Variants in ARHGAP15 observed in about 807,000 individuals in gnomAD.
ARHGAP15 encodes the protein Rho GTPase activating protein 15, also known as rho GTPase-activating protein 15.
ARHGAP15 carries 51 observed loss-of-function variants against 63.7 expected under a neutral mutation model. The ratio of observed to expected loss-of-function variants is 0.80; its 90% CI spans 0.64 to 1.01. The LOEUF (loss-of-function observed/expected upper bound fraction) is 1.01, where lower values mean the gene tolerates loss of function less well. Among genes scored for constraint, ARHGAP15 ranks in the 50% least tolerant of loss-of-function variants. ARHGAP15 has a pLI of 0.00. For synonymous variants in ARHGAP15, 191 were observed against 193.8 expected (o/e 0.99, Z 0.12); for missense variants, 560 against 564.6 (o/e 0.99, Z 0.08).
intron 12 of ARHGAP15, among the ~76,000 whole-genome samples, chr2:143,651,952 G>C (rs1351251828): frequency 6.6e-6 from 1 of 151,832 alleles, no homozygotes; most frequent in African/African-American, 2.4e-5. Flanking sequence ...TTTGTCTTCT[G>C]GATACAGTGG....
Position 143,228,562 on chromosome 2 carries a change from T to C in ARHGAP15, c.297-19T>C, listed in dbSNP as rs1693311407. ...TCAACTGATAATGCTTTCTTTCCCTTTTATTTTTTTGTCCTAAGGAAAAAC... is the reference window on the plus strand; with the variant it reads ...TCAACTGATAATGCTTTCTTTCCCTCTTATTTTTTTGTCCTAAGGAAAAAC... On this transcript the variant is annotated intron_variant, in intron 4 of 13. Transcript: ENST00000295095. 1 of 1,554,276 alleles carries C rather than the reference T, an allele frequency of 6.4e-7. No individual in the cohort carries two copies. The highest frequency in any genetic ancestry group is 8.8e-7 in the Non-Finnish European group (1 of 1,132,694).
chr2:143,459,942 T>C (rs1489975172), intron 8 of ARHGAP15, among the ~76,000 whole-genome samples: 1 of 152,118 alleles, frequency 6.6e-6, no homozygotes, highest in Non-Finnish European at 1.5e-5. Flanking sequence ...TTGTTTGATA[T>C]GAAGTATTAA....
intron 13 of ARHGAP15, among the ~76,000 whole-genome samples, chr2:143,761,349 T>C (rs1165056511): frequency 4.6e-5 from 7 of 152,214 alleles, no homozygotes. Flanking sequence ...CCTTACTCCG[T>C]AAAACTATCC....
intron 6 of ARHGAP15, among the ~76,000 whole-genome samples, chr2:143,424,350 A>G (rs1301865628): frequency 6.6e-6 from 1 of 152,182 alleles, no homozygotes; most frequent in African/African-American, 2.4e-5. Flanking sequence ...AGAGTTACAC[A>G]TTAGGGATCT....
At chr2:143,169,923 A>G (rs1336408219) in intron 2 of ARHGAP15, among the ~76,000 whole-genome samples, 2 of 152,046 alleles carry the variant, frequency 1.3e-5, no homozygotes, top group African/African-American at 2.4e-5. Flanking sequence ...TCAAAGCCAG[A>G]TGTAAATTAT....
chr2:143,721,987 T>C (rs1409596880), intron 13 of ARHGAP15, among the ~76,000 whole-genome samples: 1 of 152,216 alleles, frequency 6.6e-6, no homozygotes, highest in Non-Finnish European at 1.5e-5. Context: ...ACTTATGTTA[T>C]GCAAACATGG....
At chr2:143,675,607 A>G (rs567561611) in intron 12 of ARHGAP15, among the ~76,000 whole-genome samples, 10 of 152,160 alleles carry the variant, frequency 6.6e-5, no homozygotes, top group African/African-American at 2.2e-4. Context: ...CTCCTTGTAC[A>G]CCTCCATTAG....
chr2:143,558,528 G>A (rs554489073), intron 11 of ARHGAP15, among the ~76,000 whole-genome samples: 1 of 152,216 alleles, frequency 6.6e-6, no homozygotes, highest in South Asian at 2.1e-4. Context: ...CTCGGTGATT[G>A]TATTTCAGAA....
At chr2:143,420,478 C>A (rs1006134498) in intron 6 of ARHGAP15, among the ~76,000 whole-genome samples, 1 of 152,182 alleles carries the variant, frequency 6.6e-6, no homozygotes, top group Non-Finnish European at 1.5e-5. Flanking sequence ...ATTACAAAAA[C>A]ACTCTACTCC....
At chr2:143,554,794 A>G (rs979788749) in intron 10 of ARHGAP15, among the ~76,000 whole-genome samples, 2 of 152,280 alleles carry the variant, frequency 1.3e-5, no homozygotes, top group African/African-American at 2.4e-5. Context: ...TCAAGCAGAA[A>G]TTGTACTTTA....
chr2:143,445,955 G>A (rs1690117892), intron 8 of ARHGAP15, among the ~76,000 whole-genome samples: 1 of 151,880 alleles, frequency 6.6e-6, no homozygotes, highest in Admixed American at 6.6e-5. Context: ...TAAAAATCCA[G>A]TTTAACACAA....
intron 6 of ARHGAP15, among the ~76,000 whole-genome samples, chr2:143,254,072 G>A (rs1055582324): frequency 6.6e-6 from 1 of 152,108 alleles, no homozygotes; most frequent in African/African-American, 2.4e-5. Flanking sequence ...GTCTTCATCA[G>A]GGATAGAGTG....
chr2:143,725,583 C>T (rs908934863), intron 13 of ARHGAP15, among the ~76,000 whole-genome samples: 1 of 152,210 alleles, frequency 6.6e-6, no homozygotes. Flanking sequence ...CTTATCACAA[C>T]CCCTCCTTCC....
At chr2:143,350,030 T>C (rs1439514430) in intron 6 of ARHGAP15, among the ~76,000 whole-genome samples, 1 of 152,138 alleles carries the variant, frequency 6.6e-6, no homozygotes, top group Non-Finnish European at 1.5e-5. Context: ...TTATAAAATA[T>C]CTCCTTGCAA....
intron 13 of ARHGAP15, among the ~76,000 whole-genome samples, chr2:143,728,468 G>T (rs931189714): frequency 6.6e-6 from 1 of 151,998 alleles, no homozygotes; most frequent in Non-Finnish European, 1.5e-5. Flanking sequence ...ACACACAAAG[G>T]GTATATTCAC....
intron 13 of ARHGAP15, among the ~76,000 whole-genome samples, chr2:143,721,758 C>T (rs1033452206): frequency 6.6e-6 from 1 of 151,784 alleles, no homozygotes; most frequent in East Asian, 1.9e-4. Flanking sequence ...GGGATCTTGG[C>T]TCACTGCAAG....
At chr2:143,184,271 G>C (rs1379579685) in intron 2 of ARHGAP15, among the ~76,000 whole-genome samples, 1 of 152,108 alleles carries the variant, frequency 6.6e-6, no homozygotes, top group Non-Finnish European at 1.5e-5. Context: ...CAACAAAATT[G>C]GACAGTGCTG....
rs181704111 is a variant in ARHGAP15 at position 143,346,028 on chromosome 2, T to C, written c.475-89573T>C. ...ATTTTTTTGAGTCATGATTGTACAA[T>C]CTGCTACCCATTTTGGGATAAAAAC... On this transcript the variant is annotated intron_variant, in intron 6 of 13. Coordinates refer to ENST00000295095, the MANE Select transcript of ARHGAP15 (RefSeq NM_018460.4). Among the ~76,000 whole-genome samples, 18 of 152,178 alleles carry C rather than the reference T, an allele frequency of 1.2e-4. No homozygotes were observed. In the East Asian group the frequency reaches 3.3e-3, roughly 28 times the overall value.
chr2:143,608,110 A>G (rs1444027378), intron 11 of ARHGAP15: 4 of 152,260 alleles, frequency 2.6e-5, no homozygotes, highest in Non-Finnish European at 2.9e-5. Context: ...ATGTCACTTC[A>G]ACTAATGATG....
Sources: allele counts gnomAD v4.1 joint callset (sites outside exome capture counted in the v4.1 genomes callset), GRCh38; gene constraint gnomAD v4.1.1; transcripts MANE v1.5; gene names NCBI Gene and HGNC (gene_info 2026-07-23, HGNC 2026-07-21).